The following NUF2 variants were observed in gnomAD, a reference collection of about 807,000 sequenced individuals.
The protein encoded by NUF2 is kinetochore protein Nuf2.
In NUF2, 34 loss-of-function variants were observed where a neutral mutation model predicts 61.8. The observed-to-expected ratio is 0.55, with a 90% CI of 0.42 to 0.73. NUF2 has a LOEUF of 0.73. Among genes scored for constraint, NUF2 ranks in the 30% least tolerant of loss-of-function variants. NUF2 has a pLI of 0.00. For synonymous variants in NUF2, 172 were observed against 181.6 expected (o/e 0.95, Z 0.42); for missense variants, 445 against 539.1 (o/e 0.83, Z 1.73).
At chr1:163,338,645 A>G (rs577891956) in intron 7 of NUF2, among the ~76,000 whole-genome samples, 104 of 152,216 alleles carry the variant, frequency 6.8e-4, no homozygotes, top group African/African-American at 2.3e-3. Context: ...GAGATTTTCT[A>G]ACCTGCCCCT....
chr1:163,326,401 TC>T (rs1207421547), intron 2 of NUF2, among the ~76,000 whole-genome samples: 13 of 102,638 alleles, frequency 1.3e-4, no homozygotes, highest in Non-Finnish European at 2.4e-4. Flanking sequence ...ATAGTCGTTT[TC>T]TTAAAAAAAA....
chr1:163,328,299 T>A lies in NUF2; in HGVS notation c.270T>A (p.Thr90=). 1 of 1,590,160 alleles carries A rather than the reference T, an allele frequency of 6.3e-7. No individual in the cohort carries two copies. The highest frequency in any genetic ancestry group is 2.2e-5 in the East Asian group (1 of 44,568). Reference sequence around the variant, plus strand: ...TCTTACCATTCAGCAATTTAGTTACTCATCTGTGAGTAAAGAGTGATTTTA... The same window carrying A: ...TCTTACCATTCAGCAATTTAGTTACACATCTGTGAGTAAAGAGTGATTTTA... ...EGFLPFSNLV[T]HLDSFLPICR... The change falls in exon 4 of 14, where the codon ACT becomes ACA. Residue 90 remains threonine, a synonymous_variant. Transcript: ENST00000271452.
At chr1:163,322,851 A>G (rs1650281044) in intron 1 of NUF2, 1 of 152,226 alleles carries the variant, frequency 6.6e-6, no homozygotes, top group Non-Finnish European at 1.5e-5. Flanking sequence ...TCATTTATAT[A>G]CTTTATCCCA....
At chr1:163,329,064 C>G (rs1163537962) in intron 5 of NUF2, among the ~76,000 whole-genome samples, 157 bp downstream of exon 5, 1 of 148,860 alleles carries the variant, frequency 6.7e-6, no homozygotes, top group Non-Finnish European at 1.5e-5. Context: ...TTTTTAATAT[C>G]TTGTTGAATT....
chr1:163,339,571 CTA>C, intron 8 of NUF2, 94 bp downstream of exon 8: 1 of 695,382 alleles, frequency 1.4e-6, no homozygotes, highest in Non-Finnish European at 2.5e-6. Context: ...ATTGCTTTCT[CTA>C]TTACCAAAGA....
chr1:163,347,555 T>C (rs1651173655), intron 11 of NUF2, among the ~76,000 whole-genome samples: 1 of 152,212 alleles, frequency 6.6e-6, no homozygotes, highest in Non-Finnish European at 1.5e-5. Context: ...ACCTCTCTAG[T>C]TGTCATGTCC....
At chr1:163,344,978 T>G (rs1339805573) in intron 10 of NUF2, among the ~76,000 whole-genome samples, 1 of 152,142 alleles carries the variant, frequency 6.6e-6, no homozygotes, top group Non-Finnish European at 1.5e-5. Flanking sequence ...GTTTTACAGA[T>G]TTTAGGAGAA....
chr1:163,348,719 G>GA (rs200128543), intron 12 of NUF2, among the ~76,000 whole-genome samples: 5,205 of 151,898 alleles, frequency 0.034, 177 homozygotes, highest in African/African-American at 0.088. Context: ...ACCAATGAGG[G>GA]AAAAAAAATC....
In NUF2 at chr1:163,327,458, C is replaced by T. The variant is rs567186483; in HGVS notation, c.124-30C>T. 1.8e-4 allele frequency: 214 copies of T among 1,193,740 alleles called. 5 individuals carry two copies. The highest frequency in any genetic ancestry group is 1.8e-3 in the South Asian group (143 of 81,286). The allele number at this position is 1,193,740 out of a possible 1,614,324, so 73.9% of individuals were successfully genotyped here. ...GTGACATAGCTTTAGAGTTATGCAT[C>T]GGAGTATTCAAAGTTGTTTTTTGCT... is the stretch of plus-strand genomic sequence containing the variant. On this transcript the variant is annotated intron_variant, in intron 2 of 13. Coordinates refer to ENST00000271452, the MANE Select transcript of NUF2 (RefSeq NM_145697.3).
At chr1:163,353,143 G>A (rs1002502727) in intron 13 of NUF2, among the ~76,000 whole-genome samples, 2 of 152,092 alleles carry the variant, frequency 1.3e-5, no homozygotes, top group Non-Finnish European at 2.9e-5. Context: ...TCAGGTGCTC[G>A]ATATCCAAAC....
chr1:163,347,719 C>A, intron 11 of NUF2, 44 bp from the exon 12 acceptor site: 2 of 1,182,354 alleles, frequency 1.7e-6, no homozygotes, highest in Non-Finnish European at 2.3e-6. Flanking sequence ...ATTTCTAAAT[C>A]CTAATTGGTT....
rs1650365849 is a variant in NUF2 at position 163,324,901 on chromosome 1, T to TTTTCTTTCTTTC, written c.-20-1128_-20-1127insCTTTCTTTCTTT. Among the ~76,000 whole-genome samples the TTTTCTTTCTTTC allele has an allele frequency of 6.2e-5, 5 of 80,254 alleles. No individual in the cohort carries two copies. In the South Asian group the frequency reaches 1.9e-3, roughly 30 times the overall value. 52.6% of individuals were successfully genotyped at this position (80,254 alleles called of 152,430 possible). A position where few individuals can be genotyped will look rare whatever the true frequency, so the allele number is the denominator to read the frequency against. ...GACAAGGTTTCTTTTCTTTTCTTTC[T>TTTTCTTTCTTTC]TTTTTTTTTTTTTTTTTGACACAGG... On this transcript the variant is annotated intron_variant, in intron 1 of 13. Coordinates refer to ENST00000271452, the MANE Select transcript of NUF2 (RefSeq NM_145697.3).
At chr1:163,332,194 A>C (rs369691609) in intron 5 of NUF2, among the ~76,000 whole-genome samples, 2 of 151,920 alleles carry the variant, frequency 1.3e-5, no homozygotes, top group East Asian at 3.9e-4. Context: ...ATTGGGTTCA[A>C]GATATTTTCT....
At chr1:163,328,772 A>G (rs533772778) in intron 4 of NUF2, 74 bp from the exon 5 acceptor site, 117 of 895,702 alleles carry the variant, frequency 1.3e-4, no homozygotes, top group Non-Finnish European at 2.0e-4. Flanking sequence ...TGAAAATAAG[A>G]TGTTTATATC....
At chr1:163,335,939 A>T (rs563201212) in intron 5 of NUF2, among the ~76,000 whole-genome samples, 1 of 152,108 alleles carries the variant, frequency 6.6e-6, no homozygotes, top group African/African-American at 2.4e-5. Context: ...GATCTTTTTT[A>T]AAAAATCTTT....
chr1:163,347,915 G>A lies in NUF2; in HGVS notation c.1101G>A (p.Lys367=), dbSNP rs770611547. 1.3e-5 allele frequency: 20 copies of A among 1,599,856 alleles called. No homozygotes were observed. The highest frequency in any genetic ancestry group is 2.3e-5 in the South Asian group (2 of 87,562). Residue 367 remains lysine, a synonymous_variant, in exon 12 of 14, where the codon AAG becomes AAA. Coordinates refer to ENST00000271452, the MANE Select transcript of NUF2 (RefSeq NM_145697.3). ...FKINKKHEDV[K]QYKRTVIEDC... is the part of the protein sequence containing the mutation. Reference sequence around the variant, plus strand: ...TAAATAAGAAGCATGAAGATGTTAAGCAATACAAACGCACAGTAATTGAGT... The same window carrying A: ...TAAATAAGAAGCATGAAGATGTTAAACAATACAAACGCACAGTAATTGAGT...
intron 4 of NUF2, 192 bp from the exon 5 acceptor site, chr1:163,328,654 A>C: frequency 3.8e-6 from 2 of 524,554 alleles, no homozygotes; most frequent in African/African-American, 1.9e-5. Flanking sequence ...GCATGACTAC[A>C]TGATTAATAT....
At position 163,322,658 on chromosome 1, in the gene NUF2, A is replaced by T. The variant is rs774318887; in HGVS notation, c.-21+446A>T. 2.4e-4 allele frequency among the ~76,000 whole-genome samples: 37 copies of T among 152,208 alleles called. 1 individual carries two copies. The highest frequency in any genetic ancestry group is 1.6e-4 in the Non-Finnish European group (11 of 68,024). ...TTTTGTTTAATCTCTGCCTCGTGGA[A>T]CTGTGATGTCCACAAATAGTTTATT... On this transcript the variant is annotated intron_variant, in intron 1 of 13. Transcript: ENST00000271452.
At chr1:163,354,868 A>T (rs1395989864) in intron 13 of NUF2, among the ~76,000 whole-genome samples, 1 of 152,024 alleles carries the variant, frequency 6.6e-6, no homozygotes, top group Non-Finnish European at 1.5e-5. Flanking sequence ...GGCTTGAACT[A>T]TCTGATCAGT....
Sources: allele counts gnomAD v4.1 joint callset (sites outside exome capture counted in the v4.1 genomes callset), GRCh38; gene constraint gnomAD v4.1.1; transcripts MANE v1.5; gene names NCBI Gene and HGNC (gene_info 2026-07-23, HGNC 2026-07-21).